Variants in CNIH3 observed in about 807,000 individuals in gnomAD.
CNIH3 encodes the protein cornichon family AMPA receptor auxiliary protein 3, also known as protein cornichon homolog 3.
Under a neutral mutation model 24.1 loss-of-function variants are expected in CNIH3, and 14 were observed. The observed-to-expected ratio is 0.58, with a 90% CI of 0.38 to 0.91. The LOEUF is 0.91. Among genes scored for constraint, CNIH3 ranks in the 40% least tolerant of loss-of-function variants. The pLI is 0.00. For missense variants in CNIH3, 178 were observed against 196.8 expected, an observed-to-expected ratio of 0.90 and a Z score of 0.57; for synonymous variants, 68 against 73.8, an observed-to-expected ratio of 0.92 and a Z score of 0.40.
chr1:224,657,236 GCACA>G (rs1420953190), intron 1 of CNIH3, among the ~76,000 whole-genome samples: 1 of 152,070 alleles, frequency 6.6e-6, no homozygotes, highest in African/African-American at 2.4e-5. Flanking sequence ...ATGGAGGTGA[GCACA>G]CAGTCCTTAA....
intron 1 of CNIH3, among the ~76,000 whole-genome samples, chr1:224,641,586 A>G (rs1684363381): frequency 6.6e-6 from 1 of 152,040 alleles, no homozygotes; most frequent in African/African-American, 2.4e-5. Context: ...ACAAATCAAC[A>G]TCCTGGTGTC....
intron 1 of CNIH3, among the ~76,000 whole-genome samples, chr1:224,620,409 A>C (rs970329878): frequency 6.6e-6 from 1 of 152,228 alleles, no homozygotes; most frequent in Non-Finnish European, 1.5e-5. Context: ...AACTGTAGTC[A>C]CTATTTTTGG....
chr1:224,490,791 G>A (rs1677209973), intron 1 of CNIH3, among the ~76,000 whole-genome samples: 1 of 152,208 alleles, frequency 6.6e-6, no homozygotes, highest in Non-Finnish European at 1.5e-5. Context: ...AGCAATGAAT[G>A]ATTTGCGAAT....
Position 224,616,783 on chromosome 1 carries a change from G to C in CNIH3, c.-392G>C. The C allele has an allele frequency of 9.6e-7, 1 of 1,043,890 alleles. No individual in the cohort carries two copies. Among genetic ancestry groups the C allele is most frequent in the Non-Finnish European group, 1.2e-6 (1 of 867,724 alleles). 64.7% of individuals were successfully genotyped at this position (1,043,890 alleles called of 1,614,324 possible). On this transcript the variant is annotated 5_prime_UTR_variant, in exon 1 of 6. Coordinates refer to ENST00000272133, the MANE Select transcript of CNIH3 (RefSeq NM_152495.2). ...TGGAGAAAAGCAGAGAGCTCTTCCT[G>C]GGGCGAATGGGACCTCCTCCCTCGG...
At chr1:224,474,754 C>CG (rs1325110050) in intron 1 of CNIH3, among the ~76,000 whole-genome samples, 4 of 151,846 alleles carry the variant, frequency 2.6e-5, no homozygotes, top group Non-Finnish European at 5.9e-5. Flanking sequence ...GGAGCCCGGG[C>CG]CGGTGGCTCA....
intron 1 of CNIH3, among the ~76,000 whole-genome samples, chr1:224,636,828 C>A (rs146282595): frequency 1.1e-3 from 175 of 152,228 alleles, no homozygotes; most frequent in African/African-American, 3.8e-3. Context: ...TAAGATATTG[C>A]TTAGCCCTGA....
chr1:224,732,226 A>G (rs1166753633), intron 4 of CNIH3, among the ~76,000 whole-genome samples: 1 of 152,136 alleles, frequency 6.6e-6, no homozygotes, highest in African/African-American at 2.4e-5. Flanking sequence ...TGTGGAGGTG[A>G]ACTGGATAAG....
upstream of CNIH3, among the ~76,000 whole-genome samples, chr1:224,515,199 A>T (rs1177038151): frequency 1.3e-5 from 2 of 152,202 alleles, no homozygotes; most frequent in Non-Finnish European, 2.9e-5. Context: ...TTACAGTGGC[A>T]TTGATTTGAT....
chr1:224,600,340 C>A (rs1472477671), intron 3 of CNIH3, among the ~76,000 whole-genome samples: 1 of 152,110 alleles, frequency 6.6e-6, no homozygotes, highest in African/African-American at 2.4e-5. Context: ...TAGGCATGCA[C>A]CACCATGCCT....
rs185530414 is a variant in CNIH3 at position 224,519,873 on chromosome 1, T to G, written n.16-1127T>G. Reference sequence around the variant, plus strand: ...AATTAAAATTAAATATAATTAAAATTGATTTTGTCAGTCACAGTAGACCAC... The same window carrying G: ...AATTAAAATTAAATATAATTAAAATGGATTTTGTCAGTCACAGTAGACCAC... On this transcript the variant is annotated intron_variant and non_coding_transcript_variant, in intron 1 of 2. Transcript: ENST00000470602. Among the ~76,000 whole-genome samples, 4 of 152,096 alleles carry G rather than the reference T, an allele frequency of 2.6e-5. No homozygotes were observed. In the East Asian group the frequency reaches 7.7e-4, roughly 29 times the overall value.
intron 3 of CNIH3, among the ~76,000 whole-genome samples, chr1:224,706,372 C>G (rs751547382): frequency 7.2e-5 from 11 of 152,124 alleles, no homozygotes; most frequent in Non-Finnish European, 1.5e-4. Flanking sequence ...AAATTACAGG[C>G]AATGACGCAC....
chr1:224,628,991 C>A (rs1683683634), intron 1 of CNIH3, among the ~76,000 whole-genome samples: 1 of 151,182 alleles, frequency 6.6e-6, no homozygotes. Flanking sequence ...TGGACTGAAG[C>A]AATGTATATC....
intron 3 of CNIH3, among the ~76,000 whole-genome samples, chr1:224,719,431 A>T (rs1328669434): frequency 2.0e-5 from 3 of 152,142 alleles, no homozygotes; most frequent in Admixed American, 2.0e-4. Context: ...GAAAAGGAAG[A>T]TCTATTGGTT....
intron 4 of CNIH3, 91 bp from the exon 5 acceptor site, chr1:224,734,472 G>T: frequency 2.2e-6 from 3 of 1,343,300 alleles, no homozygotes; most frequent in East Asian, 2.3e-5. Context: ...GGCAGGGATT[G>T]CTCGACAGAA....
chr1:224,541,347 G>T (rs1247545225), downstream of CNIH3, among the ~76,000 whole-genome samples: 1 of 151,928 alleles, frequency 6.6e-6, no homozygotes, highest in South Asian at 2.1e-4. Flanking sequence ...TCCTCATATG[G>T]TTGTATCACT....
At chr1:224,662,137 T>C (rs902080911) in intron 1 of CNIH3, among the ~76,000 whole-genome samples, 2 of 152,250 alleles carry the variant, frequency 1.3e-5, no homozygotes, top group African/African-American at 2.4e-5. Flanking sequence ...TTGCCTATAT[T>C]ATAACCCTTT....
chr1:224,590,890 CT>C (rs1238416568), downstream of CNIH3, among the ~76,000 whole-genome samples: 4 of 133,550 alleles, frequency 3.0e-5, no homozygotes, highest in Admixed American at 2.7e-4. Context: ...ACTTCTGGGG[CT>C]TCATTTGTAC....
intron 2 of CNIH3, among the ~76,000 whole-genome samples, chr1:224,543,239 C>T (rs562374503): frequency 6.6e-6 from 1 of 152,292 alleles, no homozygotes; most frequent in South Asian, 2.1e-4. Flanking sequence ...GAGGGTGACA[C>T]GTCCTGATTC....
chr1:224,700,955 G>A (rs1687452064), intron 3 of CNIH3, among the ~76,000 whole-genome samples: 2 of 152,188 alleles, frequency 1.3e-5, no homozygotes, highest in Admixed American at 6.5e-5. Context: ...TGTAATTATT[G>A]TAATTATTTT....
Sources: allele counts gnomAD v4.1 joint callset (sites outside exome capture counted in the v4.1 genomes callset), GRCh38; gene constraint gnomAD v4.1.1; transcripts MANE v1.5; gene names NCBI Gene and HGNC (gene_info 2026-07-23, HGNC 2026-07-21).